The following PCCA variants were observed in gnomAD, a reference collection of about 807,000 sequenced individuals.
PCCA encodes propionyl-CoA carboxylase subunit alpha.
PCCA carries 74 observed loss-of-function variants against 101.3 expected under a neutral mutation model. That is an observed-to-expected ratio of 0.73 (90% CI 0.61 to 0.89). The LOEUF (loss-of-function observed/expected upper bound fraction) is 0.89, where lower values mean the gene tolerates loss of function less well. PCCA is among the 40% of genes least tolerant of loss of function. PCCA has a pLI of 0.00. For missense variants in PCCA, 891 were observed against 907.0 expected (o/e 0.98, Z 0.23); for synonymous variants, 294 against 313.6 (o/e 0.94, Z 0.66).
chr13:100,470,005 A>G (rs1237703225), intron 21 of PCCA, among the ~76,000 whole-genome samples: 1 of 152,190 alleles, frequency 6.6e-6, no homozygotes, highest in Non-Finnish European at 1.5e-5. Context: ...CAAGAATAAG[A>G]CCATCCCTCT....
At chr13:100,279,528 T>C (rs1426659001) in intron 12 of PCCA, among the ~76,000 whole-genome samples, 1 of 151,980 alleles carries the variant, frequency 6.6e-6, no homozygotes, top group African/African-American at 2.4e-5. Flanking sequence ...CAGGCTGGAG[T>C]GTAGTGGCAC....
At chr13:100,523,115 G>A (rs2087443899) in intron 22 of PCCA, among the ~76,000 whole-genome samples, 1 of 152,146 alleles carries the variant, frequency 6.6e-6, no homozygotes, top group Non-Finnish European at 1.5e-5. Context: ...TGCCAAATGT[G>A]TCCCTGTCTT....
At chr13:100,370,202 A>C (rs1015950433) in intron 19 of PCCA, among the ~76,000 whole-genome samples, 21 of 146,586 alleles carry the variant, frequency 1.4e-4, no homozygotes, top group Non-Finnish European at 2.4e-4. Flanking sequence ...CTCCTGCCTC[A>C]GCCTCCCGAG....
intron 7 of PCCA, among the ~76,000 whole-genome samples, chr13:100,215,391 A>G (rs888536651): frequency 3.3e-5 from 5 of 152,234 alleles, no homozygotes; most frequent in African/African-American, 1.2e-4. Flanking sequence ...CTATAGAAGG[A>G]AACAGATGAT....
chr13:100,354,697 T>C (rs1418429230), intron 18 of PCCA, among the ~76,000 whole-genome samples: 3 of 152,124 alleles, frequency 2.0e-5, no homozygotes, highest in African/African-American at 4.8e-5. Context: ...AAAATGGTCA[T>C]AAGGGAATAT....
intron 4 of PCCA, among the ~76,000 whole-genome samples, chr13:100,113,122 A>C (rs2048474275): frequency 1.3e-5 from 2 of 152,188 alleles, no homozygotes; most frequent in South Asian, 4.1e-4. Context: ...TGTGACCATC[A>C]CAGAATGTAC....
intron 14 of PCCA, among the ~76,000 whole-genome samples, chr13:100,303,432 T>C (rs945326159): frequency 2.6e-5 from 4 of 152,142 alleles, no homozygotes; most frequent in Non-Finnish European, 5.9e-5. Flanking sequence ...GCAAACAAAG[T>C]GTGCCTCAGT....
In PCCA at chr13:100,268,740, T is replaced by G. The variant is rs746196578; in HGVS notation, c.871T>G (p.Ser291Ala). 1.2e-6 allele frequency: 2 copies of G among 1,614,136 alleles called. No homozygotes were observed. The highest frequency in any genetic ancestry group is 1.7e-6 in the Non-Finnish European group (2 of 1,179,948). Residue 291 changes from serine (S) to alanine (A), a missense_variant, in exon 11 of 24, where the codon TCA becomes GCA. Physicochemically the swap from Ser to Ala is moderately conservative, Grantham distance 99. Coordinates refer to ENST00000376285, the MANE Select transcript of PCCA (RefSeq NM_000282.4). ...TTTATGGCTTAATGAAAGAGAGTGCTCAATTCAGAGAAGAAATCAGAAGGT... is the reference window on the plus strand; with the variant it reads ...TTTATGGCTTAATGAAAGAGAGTGCGCAATTCAGAGAAGAAATCAGAAGGT... ...NALWLNEREC[S>A]IQRRNQKVVE... is the part of the protein sequence containing the mutation.
chr13:100,132,749 G>A (rs1181522903), intron 4 of PCCA, among the ~76,000 whole-genome samples: 1 of 151,986 alleles, frequency 6.6e-6, no homozygotes, highest in Non-Finnish European at 1.5e-5. Flanking sequence ...AGTTGTAGTG[G>A]TTCTTCATCC....
At chr13:100,481,671 A>G (rs2083947686) in intron 21 of PCCA, among the ~76,000 whole-genome samples, 1 of 152,076 alleles carries the variant, frequency 6.6e-6, no homozygotes, top group African/African-American at 2.4e-5. Context: ...GAGATGCTGG[A>G]CCCCGAGAGA....
At chr13:100,460,525 G>A (rs897399836) in intron 21 of PCCA, among the ~76,000 whole-genome samples, 1 of 152,136 alleles carries the variant, frequency 6.6e-6, no homozygotes, top group African/African-American at 2.4e-5. Flanking sequence ...CAGTATCTTT[G>A]AAGCTTAGCC....
intron 22 of PCCA, among the ~76,000 whole-genome samples, chr13:100,523,005 G>A (rs747993760): frequency 2.2e-4 from 33 of 152,214 alleles, no homozygotes; most frequent in Non-Finnish European, 2.1e-4. Flanking sequence ...TTCCTTTTAT[G>A]TTTGGTGGTC....
intron 18 of PCCA, among the ~76,000 whole-genome samples, chr13:100,352,928 C>T (rs1021914900): frequency 6.6e-6 from 1 of 152,068 alleles, no homozygotes; most frequent in African/African-American, 2.4e-5. Context: ...GTCTTGAACT[C>T]CTGACCTCAA....
At chr13:100,498,833 G>A (rs1056669422) in intron 21 of PCCA, among the ~76,000 whole-genome samples, 1 of 152,164 alleles carries the variant, frequency 6.6e-6, no homozygotes. Context: ...AACTGTTTTG[G>A]AGTGATATTT....
At chr13:100,243,317 A>G (rs1303964055) in intron 8 of PCCA, among the ~76,000 whole-genome samples, 1 of 152,238 alleles carries the variant, frequency 6.6e-6, no homozygotes, top group African/African-American at 2.4e-5. Flanking sequence ...AAAATGAAAT[A>G]TGTATATATA....
chr13:100,136,994 A>G lies in PCCA; in HGVS notation c.301-17985A>G, dbSNP rs749157484. Among the ~76,000 whole-genome samples, 17 of 151,894 alleles carry G rather than the reference A, an allele frequency of 1.1e-4. No homozygotes were observed. In the East Asian group the frequency reaches 2.3e-3, roughly 21 times the overall value. On this transcript the variant is annotated intron_variant, in intron 4 of 23. Coordinates refer to ENST00000376285, the MANE Select transcript of PCCA (RefSeq NM_000282.4). ...GGAGCTTAGATTATTGATTTGAGATATATCTTCTTATTTAATACTATAATT... is the reference window on the plus strand; with the variant it reads ...GGAGCTTAGATTATTGATTTGAGATGTATCTTCTTATTTAATACTATAATT...
intron 18 of PCCA, among the ~76,000 whole-genome samples, chr13:100,360,763 C>G (rs913233624): frequency 1.3e-4 from 20 of 152,268 alleles, no homozygotes; most frequent in African/African-American, 4.1e-4. Flanking sequence ...CAGTTTCTTA[C>G]ACAGCATAAC....
intron 21 of PCCA, among the ~76,000 whole-genome samples, chr13:100,501,871 C>CTAAATAAATAAATAAA (rs554849408): frequency 0.062 from 8,776 of 140,632 alleles, 342 homozygotes; most frequent in East Asian, 0.12. Flanking sequence ...GACACTCCTT[C>CTAAATAAATAAATAAA]TCAATAAATA....
intron 21 of PCCA, among the ~76,000 whole-genome samples, chr13:100,454,962 T>C (rs549821782): frequency 6.6e-6 from 1 of 152,238 alleles, no homozygotes; most frequent in South Asian, 2.1e-4. Context: ...TTATAAAGAA[T>C]GATGATACAA....
Sources: allele counts gnomAD v4.1 joint callset (sites outside exome capture counted in the v4.1 genomes callset), GRCh38; gene constraint gnomAD v4.1.1; transcripts MANE v1.5; gene names NCBI Gene and HGNC (gene_info 2026-07-23, HGNC 2026-07-21).